The following SLC14A2 variants were observed in gnomAD, a reference collection of about 807,000 sequenced individuals.
SLC14A2 encodes the protein urea transporter 2.
A neutral mutation model predicts 104.6 loss-of-function variants in SLC14A2; 91 were observed. The observed-to-expected ratio is 0.87, with a 90% CI of 0.73 to 1.04. SLC14A2 has a LOEUF of 1.04. SLC14A2 is among the 50% of genes least tolerant of loss of function. The pLI, the probability that SLC14A2 is intolerant of heterozygous loss-of-function variation, is 0.00. For missense variants in SLC14A2, 1,189 were observed against 1,156.0 expected, an observed-to-expected ratio of 1.03 and a Z score of -0.41; for synonymous variants, 476 against 466.4, an observed-to-expected ratio of 1.02 and a Z score of -0.27.
At chr18:45,190,519 A>C in the SLC14A2 span, among the ~76,000 whole-genome samples, 2 of 152,290 alleles carry the variant, frequency 1.3e-5, no homozygotes, top group African/African-American at 4.8e-5. Context: ...GAGTGTGAGC[A>C]GTTGGGTTTG....
intron 1 of SLC14A2, among the ~76,000 whole-genome samples, chr18:45,355,142 CTG>C (rs938296567): frequency 6.6e-6 from 1 of 152,116 alleles, no homozygotes; most frequent in African/African-American, 2.4e-5. Context: ...ATATCCTAGT[CTG>C]TGAAATGGGG....
intron 2 of SLC14A2, among the ~76,000 whole-genome samples, chr18:45,533,442 G>C (rs867800979): frequency 6.6e-6 from 1 of 152,124 alleles, no homozygotes; most frequent in Admixed American, 6.5e-5. Flanking sequence ...TGTGTGTGTC[G>C]AGGAATTTAT....
intron 2 of SLC14A2, among the ~76,000 whole-genome samples, chr18:45,489,509 T>TCAAAAA (rs557259208): frequency 7.7e-4 from 117 of 152,232 alleles, no homozygotes; most frequent in Non-Finnish European, 2.9e-4. Flanking sequence ...AGACTCTGTC[T>TCAAAAA]CAAAAACAAA....
chr18:45,345,954 T>G (rs976864066), intron 1 of SLC14A2, among the ~76,000 whole-genome samples: 1 of 152,224 alleles, frequency 6.6e-6, no homozygotes, highest in African/African-American at 2.4e-5. Context: ...TTCCCATCAG[T>G]CTGTATCCCT....
At chr18:45,569,749 C>CAT (rs1211949066) in intron 2 of SLC14A2, among the ~76,000 whole-genome samples, 3 of 152,134 alleles carry the variant, frequency 2.0e-5, no homozygotes, top group African/African-American at 7.2e-5. Context: ...TGAGTCCACA[C>CAT]CGATAACCAC....
At position 45,634,684 on chromosome 18, in the gene SLC14A2, G is replaced by A. The variant is rs149874117; in HGVS notation, c.650+2206G>A. ...GGAGGGGAGGGCAGGTACTCGATGA[G>A]AGTCAGACCAGGTACACCCTGTAGA... On this transcript the variant is annotated intron_variant, in intron 5 of 19. Transcript: ENST00000255226. 2,779 of 377,894 alleles carry A rather than the reference G, an allele frequency of 7.4e-3. 22 individuals carry two copies. Among genetic ancestry groups the A allele is most frequent in the Middle Eastern group, 0.036 (55 of 1,522 alleles). 23.4% of individuals were successfully genotyped at this position (377,894 alleles called of 1,614,324 possible).
chr18:45,381,822 T>C (rs1312666959), intron 1 of SLC14A2, among the ~76,000 whole-genome samples: 1 of 151,866 alleles, frequency 6.6e-6, no homozygotes, highest in East Asian at 1.9e-4. Context: ...TGGGGTTTTG[T>C]GGGGGACATA....
chr18:45,647,570 A>G (rs2045645355), intron 10 of SLC14A2: 1 of 152,200 alleles, frequency 6.6e-6, no homozygotes, highest in South Asian at 2.1e-4. Flanking sequence ...ATTGATGTAG[A>G]ATTCCTTCAT....
At chr18:45,200,964 A>T in the SLC14A2 span, among the ~76,000 whole-genome samples, 2 of 152,046 alleles carry the variant, frequency 1.3e-5, no homozygotes, top group African/African-American at 4.8e-5. Context: ...GTACCACATT[A>T]CATTTAGTCA....
the SLC14A2 span, among the ~76,000 whole-genome samples, chr18:45,180,734 A>T: frequency 1.3e-5 from 2 of 152,226 alleles, no homozygotes; most frequent in Non-Finnish European, 1.5e-5. Flanking sequence ...AGTTATAGAA[A>T]TATCAACTAA....
At chr18:45,238,947 C>T (rs2144044264) in intron 1 of SLC14A2, among the ~76,000 whole-genome samples, 1 of 152,272 alleles carries the variant, frequency 6.6e-6, no homozygotes, top group South Asian at 2.1e-4. Flanking sequence ...GAAGCATTAA[C>T]TACACTATCA....
At chr18:45,577,904 A>G (rs953054571) in intron 2 of SLC14A2, among the ~76,000 whole-genome samples, 1 of 152,208 alleles carries the variant, frequency 6.6e-6, no homozygotes, top group Non-Finnish European at 1.5e-5. Context: ...GAAAAATAAT[A>G]AATTATTCTT....
chr18:45,627,908 G>A (rs1245997650), intron 4 of SLC14A2, among the ~76,000 whole-genome samples: 1 of 150,936 alleles, frequency 6.6e-6, no homozygotes, highest in African/African-American at 2.4e-5. Context: ...TACTCGGAAG[G>A]CTGAGGATCT....
chr18:45,436,198 C>G (rs1259579150), intron 1 of SLC14A2, among the ~76,000 whole-genome samples: 1 of 152,162 alleles, frequency 6.6e-6, no homozygotes, highest in South Asian at 2.1e-4. Flanking sequence ...AAAAAAATTA[C>G]GTTGTTTATG....
In SLC14A2 at chr18:45,554,502, G is replaced by T. The variant is rs551218418; in HGVS notation, c.-34-70129G>T. Among the ~76,000 whole-genome samples, 12 of 152,256 alleles carry T rather than the reference G, an allele frequency of 7.9e-5. No homozygotes were observed. In the South Asian group the frequency reaches 2.5e-3, roughly 32 times the overall value. On this transcript the variant is annotated intron_variant, in intron 2 of 20. Transcript: ENST00000586448. ...ACATGGACTCCTGGGGCTGCAAGGT[G>T]GGGGTGGAGGGAATTTGTTGGCAAG...
intron 2 of SLC14A2, among the ~76,000 whole-genome samples, chr18:45,608,950 G>A (rs760656168): frequency 7.2e-5 from 11 of 152,194 alleles, no homozygotes; most frequent in Non-Finnish European, 1.0e-4. Flanking sequence ...CTATTTCAAA[G>A]TCTAGCTGGT....
chr18:45,649,911 GAAGCTA>G (rs2045701730), intron 10 of SLC14A2, among the ~76,000 whole-genome samples: 1 of 152,254 alleles, frequency 6.6e-6, no homozygotes, highest in African/African-American at 2.4e-5. Context: ...GGAATTTTAT[GAAGCTA>G]AGCCCAGGGG....
At chr18:45,289,187 T>C (rs993422085) in intron 1 of SLC14A2, among the ~76,000 whole-genome samples, 1 of 152,198 alleles carries the variant, frequency 6.6e-6, no homozygotes, top group Non-Finnish European at 1.5e-5. Flanking sequence ...TATCCATGTC[T>C]CTTTCATTAC....
chr18:45,239,632 T>G (rs1458784398), intron 1 of SLC14A2, among the ~76,000 whole-genome samples: 1 of 152,004 alleles, frequency 6.6e-6, no homozygotes, highest in Middle Eastern at 3.2e-3. Flanking sequence ...ATGCGGAGGG[T>G]GGAGAGGGCA....
Sources: gnomAD v4.1 joint callset for allele counts (sites outside exome capture counted in the v4.1 genomes callset) on GRCh38, gnomAD v4.1.1 for gene constraint, MANE v1.5 for transcripts, NCBI Gene and HGNC (gene_info 2026-07-23, HGNC 2026-07-21) for gene names.